NCAM2: variants seen among roughly 807,000 people sequenced by gnomAD.
NCAM2 encodes N-CAM-2.
Under a neutral mutation model 98.1 loss-of-function variants are expected in NCAM2, and 30 were observed. The ratio of observed to expected loss-of-function variants is 0.31; its 90% CI spans 0.23 to 0.41. The LOEUF is 0.41. NCAM2 is among the 10% of genes least tolerant of loss of function. The pLI is 1.00. For synonymous variants in NCAM2, 368 were observed against 342.4 expected, an observed-to-expected ratio of 1.07 and a Z score of -0.83; for missense variants, 867 against 1,005.8, an observed-to-expected ratio of 0.86 and a Z score of 1.87.
intron 8 of NCAM2, among the ~76,000 whole-genome samples, chr21:21,344,331 G>A (rs1472279042): frequency 6.6e-6 from 1 of 152,092 alleles, no homozygotes; most frequent in African/African-American, 2.4e-5. Context: ...AGCATGAAGT[G>A]GGGTCGTAGG....
chr21:21,067,249 C>T (rs1247418146), intron 1 of NCAM2, among the ~76,000 whole-genome samples: 2 of 151,692 alleles, frequency 1.3e-5, no homozygotes, highest in African/African-American at 4.8e-5. Flanking sequence ...AATATTACTT[C>T]AATTAAAAAT....
intron 12 of NCAM2, among the ~76,000 whole-genome samples, chr21:21,447,284 A>G (rs1162545961): frequency 6.6e-6 from 1 of 152,148 alleles, no homozygotes; most frequent in East Asian, 1.9e-4. Flanking sequence ...AAACCTGACA[A>G]AACAAGCAAT....
chr21:21,032,097 C>T (rs8127518), intron 1 of NCAM2, among the ~76,000 whole-genome samples: 29,319 of 151,922 alleles, frequency 0.19, 3,057 homozygotes, highest in Non-Finnish European at 0.24. Context: ...GGTGAGCGTA[C>T]GAATTTAGGA....
Position 21,083,626 on chromosome 21 carries a change from GCT to G in NCAM2, c.55+85009_55+85010del, listed in dbSNP as rs552523293. Among the ~76,000 whole-genome samples the G allele has an allele frequency of 2.0e-3, 300 of 152,134 alleles. 2 individuals carry two copies. The highest frequency in any genetic ancestry group is 2.7e-3 in the Non-Finnish European group (181 of 67,984). On this transcript the variant is annotated intron_variant, in intron 1 of 17. Transcript: ENST00000400546. ...GATGAGATTTCACTATGTTGCCCAG[GCT>G]GGTCTTGAACTTCTGGCTTCAAACA... is the stretch of plus-strand genomic sequence containing the variant.
intron 1 of NCAM2, among the ~76,000 whole-genome samples, chr21:21,120,080 G>T (rs958943650): frequency 3.3e-5 from 5 of 152,106 alleles, no homozygotes; most frequent in Non-Finnish European, 5.9e-5. Flanking sequence ...GCTTTAATCT[G>T]CTGCTTATTT....
intron 1 of NCAM2, among the ~76,000 whole-genome samples, chr21:21,266,252 T>C (rs960872060): frequency 3.9e-5 from 6 of 152,138 alleles, no homozygotes; most frequent in Non-Finnish European, 7.4e-5. Flanking sequence ...CATACTGTTT[T>C]TTTACTCATT....
At chr21:21,129,358 A>G (rs1456084039) in intron 1 of NCAM2, among the ~76,000 whole-genome samples, 1 of 152,166 alleles carries the variant, frequency 6.6e-6, no homozygotes, top group Non-Finnish European at 1.5e-5. Context: ...TGTCTTATTA[A>G]TTTAATTATA....
intron 1 of NCAM2, among the ~76,000 whole-genome samples, chr21:21,169,540 A>G (rs2068054392): frequency 6.6e-6 from 1 of 152,214 alleles, no homozygotes; most frequent in Non-Finnish European, 1.5e-5. Flanking sequence ...CACAAGATAC[A>G]TCTGATAAAG....
intron 12 of NCAM2, among the ~76,000 whole-genome samples, chr21:21,443,356 A>G (rs1225638633): frequency 6.6e-6 from 1 of 152,160 alleles, no homozygotes; most frequent in African/African-American, 2.4e-5. Context: ...GCAAACCAAC[A>G]TGGCACATGT....
intron 16 of NCAM2, among the ~76,000 whole-genome samples, chr21:21,533,406 G>A (rs1323712935): frequency 1.3e-5 from 2 of 151,694 alleles, no homozygotes; most frequent in African/African-American, 4.8e-5. Context: ...TGCCTCAGTT[G>A]CCTTAGTAAA....
intron 8 of NCAM2, among the ~76,000 whole-genome samples, chr21:21,348,426 A>G (rs902636775): frequency 1.3e-5 from 2 of 152,094 alleles, no homozygotes; most frequent in African/African-American, 4.8e-5. Context: ...AACTTTGTAA[A>G]CACTGATGAA....
chr21:21,101,753 A>G (rs984332464), intron 1 of NCAM2, among the ~76,000 whole-genome samples: 4 of 152,106 alleles, frequency 2.6e-5, no homozygotes, highest in African/African-American at 9.7e-5. Context: ...GAGGAGGGAA[A>G]CAATTCCTTA....
intron 1 of NCAM2, among the ~76,000 whole-genome samples, chr21:21,009,889 G>GTGTGTGTGTGTGTT (rs2064177149): frequency 1.6e-5 from 2 of 122,084 alleles, no homozygotes; most frequent in Non-Finnish European, 4.0e-5. Flanking sequence ...ATAGCTGTGT[G>GTGTGTGTGTGTGTT]TGTGTGTGTG....
intron 9 of NCAM2, among the ~76,000 whole-genome samples, chr21:21,397,633 TG>T (rs1186206043): frequency 1.3e-5 from 2 of 152,182 alleles, no homozygotes; most frequent in Admixed American, 6.5e-5. Context: ...TCCCAGCCTT[TG>T]GGGGAAGGGG....
intron 3 of NCAM2, among the ~76,000 whole-genome samples, chr21:21,285,780 G>A (rs533021036): frequency 6.6e-6 from 1 of 151,888 alleles, no homozygotes; most frequent in South Asian, 2.1e-4. Flanking sequence ...CAGATACATA[G>A]ATGCTAGCTA....
intron 1 of NCAM2, among the ~76,000 whole-genome samples, chr21:21,132,579 G>A (rs1361808243): frequency 6.6e-6 from 1 of 152,042 alleles, no homozygotes; most frequent in East Asian, 1.9e-4. Context: ...TCTAATTTCA[G>A]ATTGTAGCAC....
intron 12 of NCAM2, among the ~76,000 whole-genome samples, chr21:21,439,416 A>G (rs1159339152): frequency 1.3e-5 from 2 of 152,352 alleles, no homozygotes; most frequent in East Asian, 3.9e-4. Context: ...GGCGTGAGCC[A>G]CTGCGCCCGG....
intron 8 of NCAM2, among the ~76,000 whole-genome samples, chr21:21,365,525 A>C (rs148098992): frequency 1.8e-4 from 28 of 152,164 alleles, no homozygotes; most frequent in African/African-American, 6.5e-4. Flanking sequence ...AATTAAAAAA[A>C]TCGTGGCATA....
At chr21:21,359,582 T>C (rs1335813514) in intron 8 of NCAM2, among the ~76,000 whole-genome samples, 1 of 151,990 alleles carries the variant, frequency 6.6e-6, no homozygotes, top group African/African-American at 2.4e-5. Context: ...GTCAGTTTTA[T>C]AAGATAATGT....
Sources: gnomAD v4.1 joint callset for allele counts (sites outside exome capture counted in the v4.1 genomes callset) on GRCh38, gnomAD v4.1.1 for gene constraint, MANE v1.5 for transcripts, NCBI Gene and HGNC (gene_info 2026-07-23, HGNC 2026-07-21) for gene names.